The following GUCY1B1 variants were observed in gnomAD, a reference collection of about 807,000 sequenced individuals.
GUCY1B1 encodes guanylate cyclase 1 soluble subunit beta 1.
Under a neutral mutation model 71.0 loss-of-function variants are expected in GUCY1B1, and 43 were observed. The observed-to-expected ratio is 0.61, with a 90% CI of 0.47 to 0.78. The LOEUF (loss-of-function observed/expected upper bound fraction) is 0.78, where lower values mean the gene tolerates loss of function less well. Among genes scored for constraint, GUCY1B1 ranks in the 30% least tolerant of loss-of-function variants. GUCY1B1 has a pLI of 0.00. For missense variants in GUCY1B1, 535 were observed against 754.1 expected (o/e 0.71, Z 3.40); for synonymous variants, 266 against 259.7 (o/e 1.02, Z -0.23).
intron 12 of GUCY1B1, 150 bp from the exon 13 acceptor site, chr4:155,804,953 A>G (rs537726377): frequency 2.6e-6 from 2 of 763,060 alleles, no homozygotes; most frequent in Non-Finnish European, 4.3e-6. Context: ...GGAAATCCTG[A>G]TATGATCATT....
At chr4:155,759,559 A>G in intron 1 of GUCY1B1, 1 of 530,882 alleles carries the variant, frequency 1.9e-6, no homozygotes, top group South Asian at 2.6e-5. Context: ...GGGTGGGAAG[A>G]TAGCGTGGGG....
In GUCY1B1 at chr4:155,759,837, C is replaced by A; in HGVS notation, c.54C>A (p.Gly18=). 1 of 1,612,656 alleles carries A rather than the reference C, an allele frequency of 6.2e-7. No homozygotes were observed. The highest frequency in any genetic ancestry group is 1.1e-5 in the South Asian group (1 of 91,016). ...ALELLVIRNY[G]PEVWEDIKKE... ...AGTTGCTGGTGATCCGCAATTACGGCCCCGAGGTGTGGGAAGACATCAAGT... is the reference window on the plus strand; with the variant it reads ...AGTTGCTGGTGATCCGCAATTACGGACCCGAGGTGTGGGAAGACATCAAGT... Residue 18 remains glycine (G), a synonymous_variant, in exon 2 of 14, where the codon GGC becomes GGA. Transcript: ENST00000264424.
chr4:155,761,001 C>T (rs2110953644), intron 2 of GUCY1B1, among the ~76,000 whole-genome samples: 1 of 152,206 alleles, frequency 6.6e-6, no homozygotes, highest in East Asian at 1.9e-4. Flanking sequence ...TAGAAATGAC[C>T]AGGGTTATAT....
In GUCY1B1 at chr4:155,807,800, GA is replaced by G. The variant is rs1740413028; in HGVS notation, c.*1394del. Among the ~76,000 whole-genome samples the G allele has an allele frequency of 6.6e-6, 1 of 152,078 alleles. No homozygotes were observed. The highest frequency in any genetic ancestry group is 1.5e-5 in the Non-Finnish European group (1 of 68,014). On this transcript the variant is annotated 3_prime_UTR_variant, in exon 14 of 14. Transcript: ENST00000264424. ...AAATAAAGACTGGGCATGGAAAGGG[GA>G]AACAGTTAAATATTGAATGTCATCA...
chr4:155,771,266 T>C (rs773835334), intron 2 of GUCY1B1, among the ~76,000 whole-genome samples: 1 of 152,216 alleles, frequency 6.6e-6, no homozygotes, highest in Non-Finnish European at 1.5e-5. Context: ...CTGGGGAGCA[T>C]TGACACTGGT....
chr4:155,778,480 T>C (rs775182316), intron 4 of GUCY1B1, among the ~76,000 whole-genome samples: 93 of 152,250 alleles, frequency 6.1e-4, no homozygotes, highest in Admixed American at 2.0e-3. Context: ...CAATACTAGC[T>C]GAACCGAAGC....
intron 2 of GUCY1B1, among the ~76,000 whole-genome samples, chr4:155,771,223 T>C (rs769825712): frequency 6.6e-6 from 1 of 152,238 alleles, no homozygotes; most frequent in Non-Finnish European, 1.5e-5. Flanking sequence ...TTTCCTTCCA[T>C]GTACTACTGT....
intron 3 of GUCY1B1, among the ~76,000 whole-genome samples, chr4:155,777,161 G>A (rs770522040): frequency 6.6e-6 from 1 of 152,120 alleles, no homozygotes; most frequent in African/African-American, 2.4e-5. Flanking sequence ...TCCATTACAC[G>A]AGTTCAGGTG....
Position 155,800,083 on chromosome 4 carries a change from G to T in GUCY1B1, c.1175+9G>T. 1 of 1,581,920 alleles carries T rather than the reference G, an allele frequency of 6.3e-7. No individual in the cohort carries two copies. The highest frequency in any genetic ancestry group is 8.7e-7 in the Non-Finnish European group (1 of 1,154,164). ...AAGAAAAAGACAGACACGTAAGAAT[G>T]TAACGCTTGGAGCACTACTGTTATT... On this transcript the variant is annotated intron_variant, in intron 9 of 13. Transcript: ENST00000264424.
Position 155,759,037 on chromosome 4 carries a change from G to T in GUCY1B1, c.-104G>T. The T allele has an allele frequency of 2.4e-6, 3 of 1,250,298 alleles. No individual in the cohort carries two copies. Among genetic ancestry groups the T allele is most frequent in the Non-Finnish European group, 1.1e-6 (1 of 879,874 alleles). The allele number at this position is 1,250,298 out of a possible 1,614,324, so 77.5% of individuals were successfully genotyped here. A position where few individuals can be genotyped will look rare whatever the true frequency, so the allele number is the denominator to read the frequency against. Reference sequence around the variant, plus strand: ...GCTGTTCTCGCTCCAGCTCGATGCTGCCTCCCCGGCCCGGTTGCGCTGTAG... The same window carrying T: ...GCTGTTCTCGCTCCAGCTCGATGCTTCCTCCCCGGCCCGGTTGCGCTGTAG... On this transcript the variant is annotated 5_prime_UTR_variant, in exon 1 of 14. Coordinates refer to ENST00000264424, the MANE Select transcript of GUCY1B1 (RefSeq NM_000857.5).
intron 8 of GUCY1B1, among the ~76,000 whole-genome samples, chr4:155,797,112 G>T (rs1240171482): frequency 6.6e-6 from 1 of 152,096 alleles, no homozygotes; most frequent in Non-Finnish European, 1.5e-5. Context: ...ATTTTACTAG[G>T]AGATACATGG....
Position 155,805,206 on chromosome 4 carries a change from T to C in GUCY1B1, c.1813T>C (p.Ser605Pro). The change falls in exon 13 of 14, where the codon TCC (serine) becomes CCC (proline). Residue 605 changes from serine to proline, a missense_variant. Physicochemically the swap from Ser to Pro is moderately conservative, Grantham distance 74. Coordinates refer to ENST00000264424, the MANE Select transcript of GUCY1B1 (RefSeq NM_000857.5). The stretch of plus-strand genomic sequence containing the variant: ...AGAACCAATGCAAGTTTGGTTTCTA[T>C]CCAGAAAAAATACAGGAACAGAGGT... ...KKEPMQVWFL[S>P]RKNTGTEETK... is the part of the protein sequence containing the mutation. 3 of 1,610,612 alleles carry C rather than the reference T, an allele frequency of 1.9e-6. No homozygotes were observed. The highest frequency in any genetic ancestry group is 2.5e-6 in the Non-Finnish European group (3 of 1,177,982).
chr4:155,785,394 T>A, intron 4 of GUCY1B1: 1 of 714,166 alleles, frequency 1.4e-6, no homozygotes, highest in African/African-American at 1.8e-5. Context: ...TTCTTTGCAA[T>A]TGGCCACACA....
intron 4 of GUCY1B1, among the ~76,000 whole-genome samples, chr4:155,787,227 C>T (rs1265067270): frequency 2.0e-5 from 3 of 152,208 alleles, no homozygotes; most frequent in East Asian, 1.9e-4. Flanking sequence ...TTTAGGACTC[C>T]GGGGTTTGTA....
At chr4:155,778,485 C>G (rs1023913116) in intron 4 of GUCY1B1, among the ~76,000 whole-genome samples, 3 of 152,216 alleles carry the variant, frequency 2.0e-5, no homozygotes, top group African/African-American at 7.2e-5. Context: ...CTAGCTGAAC[C>G]GAAGCCCAGT....
chr4:155,776,849 A>T (rs2125801), intron 3 of GUCY1B1, among the ~76,000 whole-genome samples: 25,005 of 152,144 alleles, frequency 0.16, 2,343 homozygotes, highest in Middle Eastern at 0.26. Context: ...GATGATTTTA[A>T]AAATCTGTGT....
At chr4:155,786,023 C>T (rs557696867) in intron 4 of GUCY1B1, among the ~76,000 whole-genome samples, 1 of 152,144 alleles carries the variant, frequency 6.6e-6, no homozygotes, top group South Asian at 2.1e-4. Context: ...GAAGTACTGA[C>T]TTGGATGATT....
rs1239690717 is a variant in GUCY1B1 at position 155,789,736 on chromosome 4, A to G, written c.320A>G (p.His107Arg). 2 of 1,604,988 alleles carry G rather than the reference A, an allele frequency of 1.2e-6. No individual in the cohort carries two copies. Among genetic ancestry groups the G allele is most frequent in the Admixed American group, 3.4e-5 (2 of 59,096 alleles). The change falls in exon 5 of 14, where the codon CAC (histidine) becomes CGC (arginine). Residue 107 changes from histidine to arginine, a missense_variant. By Grantham distance (29) the His-to-Arg change is conservative. Transcript: ENST00000264424. ...CAGAACCTTGATGCTCTGCACGACC[A>G]CCTTGCTACCATCTACCCAGGAATG... is the stretch of plus-strand genomic sequence containing the variant. ...FLQNLDALHD[H>R]LATIYPGMRA...
At chr4:155,771,303 T>C (rs1240587072) in intron 2 of GUCY1B1, among the ~76,000 whole-genome samples, 2 of 152,176 alleles carry the variant, frequency 1.3e-5, no homozygotes, top group African/African-American at 4.8e-5. Context: ...GCTTTGATGA[T>C]AAGGGAGCTT....
Sources: allele counts gnomAD v4.1 joint callset (sites outside exome capture counted in the v4.1 genomes callset), GRCh38; gene constraint gnomAD v4.1.1; transcripts MANE v1.5; gene names NCBI Gene and HGNC (gene_info 2026-07-23, HGNC 2026-07-21).